Variants in MEMO1 observed in about 807,000 individuals in gnomAD.
MEMO1 encodes protein MEMO1.
A neutral mutation model predicts 45.2 loss-of-function variants in MEMO1; 6 were observed. The observed-to-expected ratio is 0.13, with a 90% CI of 0.07 to 0.26. The LOEUF is 0.26. Ranked by LOEUF, MEMO1 falls within the 10% of genes least tolerant of loss-of-function variation. The probability of loss-of-function intolerance (pLI) is 1.00; values close to 1 mark genes in which losing one functional copy is unlikely to be tolerated. For synonymous variants in MEMO1, 78 were observed against 124.3 expected (o/e 0.63, Z 2.48); for missense variants, 184 against 370.5 (o/e 0.50, Z 4.13).
intron 8 of MEMO1, among the ~76,000 whole-genome samples, chr2:31,872,032 C>CACACACACACACAT: frequency 1.3e-5 from 2 of 151,602 alleles, no homozygotes; most frequent in East Asian, 3.9e-4. Flanking sequence ...CACACACACA[C>CACACACACACACAT]ACACACACAC....
At chr2:31,887,431 CA>C (rs1232202434) in intron 7 of MEMO1, among the ~76,000 whole-genome samples, 2 of 152,156 alleles carry the variant, frequency 1.3e-5, no homozygotes, top group Non-Finnish European at 1.5e-5. Flanking sequence ...TACTGTCACA[CA>C]TTTACTTAAT....
At chr2:31,980,742 T>C (rs1670540641) in intron 2 of MEMO1, among the ~76,000 whole-genome samples, 2 of 152,278 alleles carry the variant, frequency 1.3e-5, no homozygotes, top group Middle Eastern at 3.4e-3. Context: ...ATTTAACTTC[T>C]ACCTGCACAG....
chr2:31,882,200 T>A (rs1472538089), intron 8 of MEMO1, among the ~76,000 whole-genome samples: 1 of 152,012 alleles, frequency 6.6e-6, no homozygotes, highest in East Asian at 1.9e-4. Context: ...GTGCCTATAG[T>A]CCCAGCTACT....
At chr2:31,951,184 T>C (rs771961775) in intron 2 of MEMO1, among the ~76,000 whole-genome samples, 5 of 152,220 alleles carry the variant, frequency 3.3e-5, no homozygotes, top group African/African-American at 7.2e-5. Context: ...AGGGGTGATG[T>C]TGTGTAGTCA....
chr2:31,929,467 A>C (rs999759454), intron 4 of MEMO1, among the ~76,000 whole-genome samples: 4 of 152,160 alleles, frequency 2.6e-5, no homozygotes, highest in Non-Finnish European at 5.9e-5. Context: ...TTGTGTTCCA[A>C]ATTAGCTGTG....
intron 2 of MEMO1, among the ~76,000 whole-genome samples, chr2:31,948,332 C>T (rs906734161): frequency 6.6e-6 from 1 of 152,166 alleles, no homozygotes; most frequent in Non-Finnish European, 1.5e-5. Flanking sequence ...ACTGCCACAA[C>T]TTTTTCCATT....
intron 4 of MEMO1, among the ~76,000 whole-genome samples, chr2:31,922,174 T>C (rs1282117915): frequency 6.6e-6 from 1 of 152,144 alleles, no homozygotes. Context: ...AGAGATGAGC[T>C]AGTTCTTTTC....
chr2:31,924,336 T>C (rs540933923), intron 4 of MEMO1, among the ~76,000 whole-genome samples: 12 of 152,112 alleles, frequency 7.9e-5, no homozygotes, highest in East Asian at 3.9e-4. Context: ...AAATAAATAA[T>C]AGAGGCATTA....
intron 2 of MEMO1, among the ~76,000 whole-genome samples, chr2:31,992,128 A>G (rs1672020060): frequency 6.6e-6 from 1 of 152,238 alleles, no homozygotes; most frequent in Non-Finnish European, 1.5e-5. Context: ...ATAAAAAGGC[A>G]TATTTCTTTC....
chr2:31,906,299 TG>T (rs1679723119), intron 6 of MEMO1, among the ~76,000 whole-genome samples: 2 of 149,350 alleles, frequency 1.3e-5, no homozygotes, highest in Admixed American at 6.7e-5. Flanking sequence ...TTTTTGTTTT[TG>T]TTTTTTTTGT....
In MEMO1 at chr2:32,006,606, A is replaced by G. The variant is rs200029363; in HGVS notation, c.61+3581T>C. On this transcript the variant is annotated intron_variant, in intron 2 of 9. Transcript: ENST00000404530. Reference sequence around the variant, plus strand: ...TGGACCTTACCAAAAAAAAAAAAAAAGGGCTGCAGCTACATTTGCAGTATG... The same window carrying G: ...TGGACCTTACCAAAAAAAAAAAAAAGGGGCTGCAGCTACATTTGCAGTATG... 2.7e-3 allele frequency among the ~76,000 whole-genome samples: 410 copies of G among 150,852 alleles called. 1 individual carries two copies. The highest frequency in any genetic ancestry group is 6.1e-3 in the Admixed American group (92 of 15,114).
At chr2:31,973,778 A>G (rs6746749) in intron 2 of MEMO1, among the ~76,000 whole-genome samples, 20,614 of 152,148 alleles carry the variant, frequency 0.14, 1,617 homozygotes, top group Middle Eastern at 0.21. Context: ...AATCCATAGA[A>G]ACAGAAAGCA....
chr2:31,900,856 A>G (rs1678681195), intron 6 of MEMO1, among the ~76,000 whole-genome samples: 1 of 152,340 alleles, frequency 6.6e-6, no homozygotes, highest in East Asian at 1.9e-4. Flanking sequence ...TTCCTAAAAT[A>G]TAAAATGGTA....
At chr2:31,952,460 A>G (rs1347643865) in intron 2 of MEMO1, among the ~76,000 whole-genome samples, 2 of 152,168 alleles carry the variant, frequency 1.3e-5, no homozygotes, top group Non-Finnish European at 2.9e-5. Context: ...GGCATTTCGT[A>G]CCCAAAAGAG....
chr2:31,954,574 T>C (rs866593602), intron 2 of MEMO1, among the ~76,000 whole-genome samples: 1 of 152,186 alleles, frequency 6.6e-6, no homozygotes, highest in South Asian at 2.1e-4. Context: ...GGCTCACTCA[T>C]GTAATCCCAG....
intron 2 of MEMO1, among the ~76,000 whole-genome samples, chr2:31,967,130 T>C (rs1005017986): frequency 6.6e-6 from 1 of 151,648 alleles, no homozygotes; most frequent in Admixed American, 6.6e-5. Flanking sequence ...TTTTATTTTT[T>C]TTTTTTTTTT....
chr2:31,880,088 C>T (rs953074793), intron 8 of MEMO1, among the ~76,000 whole-genome samples: 6 of 152,176 alleles, frequency 3.9e-5, no homozygotes, highest in Admixed American at 3.3e-4. Context: ...CCACTGGACT[C>T]CATTAAGTCA....
intron 2 of MEMO1, among the ~76,000 whole-genome samples, chr2:31,956,958 ATGG>A (rs1377986859): frequency 6.6e-6 from 1 of 152,158 alleles, no homozygotes; most frequent in Non-Finnish European, 1.5e-5. Context: ...CCTGGCCAAC[ATGG>A]TGAAGCCCCA....
At chr2:32,000,779 G>A (rs1673202108) in intron 2 of MEMO1, among the ~76,000 whole-genome samples, 2 of 149,872 alleles carry the variant, frequency 1.3e-5, no homozygotes, top group African/African-American at 5.0e-5. Context: ...CCTCTATCTA[G>A]CATACCACAT....
Sources: allele counts gnomAD v4.1 joint callset (sites outside exome capture counted in the v4.1 genomes callset), GRCh38; gene constraint gnomAD v4.1.1; transcripts MANE v1.5; gene names NCBI Gene and HGNC (gene_info 2026-07-23, HGNC 2026-07-21).